Variants in MTA3 observed in about 807,000 individuals in gnomAD.
MTA3 encodes metastasis associated 1 family member 3.
A neutral mutation model predicts 83.5 loss-of-function variants in MTA3; 34 were observed. The observed-to-expected ratio is 0.41, with a 90% CI of 0.31 to 0.54. The LOEUF is 0.54. MTA3 is among the 20% of genes least tolerant of loss of function. The probability of loss-of-function intolerance (pLI) is 0.33; values close to 1 mark genes in which losing one functional copy is unlikely to be tolerated. For missense variants in MTA3, 761 were observed against 726.4 expected (o/e 1.05, Z -0.55); for synonymous variants, 303 against 252.7 (o/e 1.20, Z -1.89).
intron 4 of MTA3, among the ~76,000 whole-genome samples, chr2:42,616,071 T>G (rs1363937257): frequency 2.0e-5 from 3 of 151,734 alleles, no homozygotes; most frequent in African/African-American, 7.3e-5. Flanking sequence ...TCTTTGTTTT[T>G]GTTTTTGAGA....
At chr2:42,635,622 TC>T (rs1558527244) in intron 4 of MTA3, among the ~76,000 whole-genome samples, 21 of 151,548 alleles carry the variant, frequency 1.4e-4, no homozygotes, top group African/African-American at 4.6e-4. Flanking sequence ...AGAGCGAGAC[TC>T]TATCTCAAAA....
chr2:42,583,600 C>A (rs80111983), intron 3 of MTA3, among the ~76,000 whole-genome samples: 2 of 151,478 alleles, frequency 1.3e-5, no homozygotes, highest in Non-Finnish European at 2.9e-5. Flanking sequence ...GTGGCACAAT[C>A]TTGTCTCACT....
Position 42,695,761 on chromosome 2 carries a change from T to C in MTA3, c.892-4T>C, listed in dbSNP as rs1391425393. On this transcript the variant is annotated splice_region_variant and splice_polypyrimidine_tract_variant and intron_variant, in intron 9 of 16. Coordinates refer to ENST00000405094, the MANE Select transcript of MTA3 (RefSeq NM_001330442.2). ...GATGATAGGTTGATTTTTTTTTTTT[T>C]CAGCTTCCTTGGAAATCATTGACTA... 1.5e-5 allele frequency: 22 copies of C among 1,513,682 alleles called. No individual in the cohort carries two copies. The highest frequency in any genetic ancestry group is 3.0e-5 in the African/African-American group (2 of 67,504). The allele number at this position is 1,513,682 out of a possible 1,614,324, so 93.8% of individuals were successfully genotyped here. A position where few individuals can be genotyped will look rare whatever the true frequency, so the allele number is the denominator to read the frequency against.
chr2:42,713,656 G>A (rs1666804684), intron 14 of MTA3, among the ~76,000 whole-genome samples: 1 of 152,134 alleles, frequency 6.6e-6, no homozygotes, highest in South Asian at 2.1e-4. Context: ...AAGAGTCTAA[G>A]TAGGCTTATT....
chr2:42,682,527 A>C lies in MTA3; in HGVS notation c.829A>C (p.Ser277Arg). Residue 277 changes from serine to arginine, a missense_variant, in exon 9 of 17, where the codon AGC becomes CGC. By Grantham distance (110) the Ser-to-Arg change is moderately radical. Transcript: ENST00000405094. ...EMEEWSASEA[S>R]LFEEALEKYG... is the part of the protein sequence containing the mutation. ...GGAGGAATGGTCAGCCTCTGAAGCT[A>C]GCTTATTTGAAGAGGCACTGGAAAA... 6.2e-7 allele frequency: 1 copy of C among 1,613,000 alleles called. No individual in the cohort carries two copies. Among genetic ancestry groups the C allele is most frequent in the Non-Finnish European group, 8.5e-7 (1 of 1,179,472 alleles).
intron 2 of MTA3, among the ~76,000 whole-genome samples, chr2:42,554,872 C>A (rs1677302271): frequency 6.6e-6 from 1 of 152,146 alleles, no homozygotes; most frequent in African/African-American, 2.4e-5. Context: ...TGACACCCTA[C>A]TACCCTTCTT....
intron 3 of MTA3, among the ~76,000 whole-genome samples, chr2:42,595,674 A>G (rs1359695493): frequency 2.0e-5 from 3 of 152,104 alleles, no homozygotes; most frequent in Admixed American, 2.0e-4. Context: ...CTTGTCCTCT[A>G]CCTTCCCATG....
intron 4 of MTA3, among the ~76,000 whole-genome samples, chr2:42,618,729 T>G (rs972923338): frequency 2.0e-5 from 3 of 152,142 alleles, no homozygotes; most frequent in Admixed American, 6.6e-5. Context: ...TGCCTCATCC[T>G]CTTGAGTATC....
At chr2:42,732,438 C>A (rs1411446142) in intron 16 of MTA3, among the ~76,000 whole-genome samples, 1 of 152,164 alleles carries the variant, frequency 6.6e-6, no homozygotes, top group Non-Finnish European at 1.5e-5. Flanking sequence ...CACAGGGTAC[C>A]AAGTCCCTAG....
In MTA3 at chr2:42,754,055, A is replaced by G; in HGVS notation, c.*656A>G. 3.0e-6 allele frequency: 3 copies of G among 985,538 alleles called. No individual in the cohort carries two copies. The highest frequency in any genetic ancestry group is 4.7e-5 in the South Asian group (1 of 21,310). The allele number at this position is 985,538 out of a possible 1,614,324, so 61.0% of individuals were successfully genotyped here. ...AGAATTACCGAGGTTCTGACAAAAG[A>G]TAAGCCTGTAAACTCATCATCTGTG... On this transcript the variant is annotated 3_prime_UTR_variant, in exon 17 of 17. Coordinates refer to ENST00000405094, the MANE Select transcript of MTA3 (RefSeq NM_001330442.2).
At chr2:42,733,486 C>A (rs1159956680) in intron 16 of MTA3, among the ~76,000 whole-genome samples, 1 of 152,214 alleles carries the variant, frequency 6.6e-6, no homozygotes, top group Non-Finnish European at 1.5e-5. Flanking sequence ...CAAACCATAT[C>A]AAGGCTCTTT....
intron 14 of MTA3, among the ~76,000 whole-genome samples, chr2:42,711,653 T>A (rs59720642): frequency 3.3e-5 from 5 of 152,324 alleles, no homozygotes; most frequent in African/African-American, 1.2e-4. Flanking sequence ...TCTGTTCTTA[T>A]ACTTACCTTG....
intron 2 of MTA3, among the ~76,000 whole-genome samples, chr2:42,544,537 CTT>C (rs369149084): frequency 3.5e-5 from 5 of 141,298 alleles, no homozygotes; most frequent in African/African-American, 1.0e-4. Flanking sequence ...CCAAAAATAA[CTT>C]TTTTTTTTTT....
intron 12 of MTA3, 59 bp downstream of exon 12, chr2:42,704,377 G>A: frequency 6.2e-7 from 1 of 1,601,618 alleles, no homozygotes; most frequent in Admixed American, 1.7e-5. Flanking sequence ...CATGGGGTGT[G>A]AGCGTCTGGG....
intron 2 of MTA3, 23 bp from the exon 3 acceptor site, chr2:42,579,084 C>A (rs780963418): frequency 1.3e-6 from 2 of 1,530,598 alleles, no homozygotes; most frequent in Non-Finnish European, 1.8e-6. Context: ...GTGCAAATGA[C>A]TTTTATTTTT....
At chr2:42,708,801 G>T in intron 13 of MTA3, 73 bp from the exon 14 acceptor site, 2 of 1,505,376 alleles carry the variant, frequency 1.3e-6, no homozygotes, top group South Asian at 2.4e-5. Flanking sequence ...CTTTTCTTTT[G>T]AGCATGATGC....
At chr2:42,499,645 C>T (rs562728526) in intron 2 of MTA3, among the ~76,000 whole-genome samples, 8 of 150,574 alleles carry the variant, frequency 5.3e-5, no homozygotes, top group Non-Finnish European at 1.0e-4. Context: ...CAAAATTAGC[C>T]GGGGTGGTGA....
chr2:42,613,866 A>C (rs1202673515), intron 4 of MTA3: 1 of 152,108 alleles, frequency 6.6e-6, no homozygotes, highest in Non-Finnish European at 1.5e-5. Context: ...CTTGTTTGTG[A>C]GATAGATGGG....
intron 8 of MTA3, among the ~76,000 whole-genome samples, chr2:42,668,820 T>A (rs1443678604): frequency 2.0e-5 from 3 of 152,180 alleles, no homozygotes; most frequent in African/African-American, 7.2e-5. Flanking sequence ...ATATAATCTT[T>A]CATATAATCT....
Sources: gnomAD v4.1 joint callset for allele counts (sites outside exome capture counted in the v4.1 genomes callset) on GRCh38, gnomAD v4.1.1 for gene constraint, MANE v1.5 for transcripts, NCBI Gene and HGNC (gene_info 2026-07-23, HGNC 2026-07-21) for gene names.